The following MACF1 variants were observed in gnomAD, a reference collection of about 807,000 sequenced individuals.
The protein encoded by MACF1 is microtubule actin crosslinking factor 1.
A neutral mutation model predicts 854.8 loss-of-function variants in MACF1; 193 were observed. The observed-to-expected ratio is 0.23, with a 90% CI of 0.20 to 0.25. MACF1 has a LOEUF of 0.25. Ranked by LOEUF, MACF1 falls within the 10% of genes least tolerant of loss-of-function variation. MACF1 has a pLI of 1.00. For missense variants in MACF1, 7,722 were observed against 8,929.1 expected (o/e 0.86, Z 5.45); for synonymous variants, 3,185 against 3,226.7 (o/e 0.99, Z 0.44).
chr1:39,257,226 T>C (rs1404300661), intron 5 of MACF1, among the ~76,000 whole-genome samples: 1 of 152,150 alleles, frequency 6.6e-6, no homozygotes, highest in Non-Finnish European at 1.5e-5. Context: ...TACTCAGCGA[T>C]CAAAAGGAGC....
At chr1:39,240,214 C>A (rs1235482813) in intron 2 of MACF1, among the ~76,000 whole-genome samples, 1 of 152,202 alleles carries the variant, frequency 6.6e-6, no homozygotes, top group African/African-American at 2.4e-5. Flanking sequence ...GTATTCATGT[C>A]TATGGGAAAT....
intron 2 of MACF1, among the ~76,000 whole-genome samples, chr1:39,232,761 T>G (rs75144690): frequency 0.62 from 86,920 of 139,698 alleles, 27,185 homozygotes; most frequent in South Asian, 0.75. Context: ...TTTTTTTTTT[T>G]TTTTTTTGTT....
chr1:39,403,988 G>T (rs1404705782), intron 58 of MACF1, among the ~76,000 whole-genome samples: 1 of 151,944 alleles, frequency 6.6e-6, no homozygotes, highest in East Asian at 1.9e-4. Context: ...AATTAGCCAG[G>T]TGTGGTGGTG....
intron 70 of MACF1, chr1:39,436,466 G>A (rs375707477): frequency 3.3e-5 from 54 of 1,613,668 alleles, no homozygotes; most frequent in South Asian, 3.2e-4. Flanking sequence ...TGTGTTGACC[G>A]CGCCCACCAT....
chr1:39,117,533 GGTGTGTGTGTGTGTGT>G (rs67609869), intron 2 of MACF1, among the ~76,000 whole-genome samples: 2 of 147,700 alleles, frequency 1.4e-5, no homozygotes, highest in African/African-American at 5.0e-5. Context: ...ACCTGCAAGA[GGTGTGTGTGTGTGTGT>G]GTGTGTGTGT....
upstream of MACF1, among the ~76,000 whole-genome samples, chr1:39,200,991 C>A (rs1188313425): frequency 2.6e-5 from 4 of 152,076 alleles, no homozygotes; most frequent in Admixed American, 1.3e-4. Context: ...ACATTTCTAC[C>A]CTGCCCCCCC....
intron 52 of MACF1, among the ~76,000 whole-genome samples, chr1:39,375,774 T>C (rs1340004143): frequency 6.6e-6 from 1 of 152,232 alleles, no homozygotes; most frequent in Non-Finnish European, 1.5e-5. Flanking sequence ...TAAGAAATTA[T>C]TGTTTCAAAG....
intron 22 of MACF1, among the ~76,000 whole-genome samples, chr1:39,302,367 G>A (rs1027197383): frequency 6.6e-6 from 1 of 151,920 alleles, no homozygotes; most frequent in African/African-American, 2.4e-5. Flanking sequence ...TTATACAAAA[G>A]AATGAATGAA....
rs933211254 is a variant in MACF1, at chr1:39,335,419, T to C, written c.8831T>C (p.Leu2944Ser). Residue 2944 changes from leucine to serine, a missense_variant, in exon 37 of 101, where the codon TTG (leucine) becomes TCG (serine). Physicochemically the swap from Leu to Ser is moderately radical, Grantham distance 145. Coordinates refer to ENST00000564288, the MANE Select transcript of MACF1 (RefSeq NM_001394062.1). ...EIRENQGEVI[L>S]EVQETYCETS... ...AGAGAAAATCAAGGGGAAGTGATTT[T>C]GGAAGTACAAGAAACATATTGTGAA... 6.2e-7 allele frequency: 1 copy of C among 1,614,080 alleles called. No individual in the cohort carries two copies. The highest frequency in any genetic ancestry group is 1.3e-5 in the African/African-American group (1 of 74,942).
Position 39,318,469 on chromosome 1 carries a change from A to C in MACF1, c.3799A>C (p.Ser1267Arg). 1.9e-6 allele frequency: 3 copies of C among 1,613,960 alleles called. No homozygotes were observed. The highest frequency in any genetic ancestry group is 2.5e-6 in the Non-Finnish European group (3 of 1,179,900). The change falls in exon 30 of 101, where the codon AGT (serine) becomes CGT (arginine). Residue 1267 changes from serine (S) to arginine (R), a missense_variant. Physicochemically the swap from Ser to Arg is moderately radical, Grantham distance 110 (BLOSUM62 -1). Transcript: ENST00000564288. The stretch of plus-strand genomic sequence containing the variant: ...TTCTTCTAGCCAATCTGAGCTAGAA[A>C]GTATCCAGGAAGTTCTGGGAGATTA... ...QLEIRQSELE[S>R]IQEVLGDYRA...
At chr1:39,454,293 T>G (rs546447322) in intron 88 of MACF1, among the ~76,000 whole-genome samples, 8 of 152,308 alleles carry the variant, frequency 5.3e-5, no homozygotes, top group African/African-American at 1.9e-4. Flanking sequence ...GAGGGCAGAC[T>G]TTTGCAGGTT....
intron 2 of MACF1, among the ~76,000 whole-genome samples, chr1:39,190,074 A>G (rs997061507): frequency 6.6e-6 from 1 of 152,156 alleles, no homozygotes; most frequent in Non-Finnish European, 1.5e-5. Flanking sequence ...TGGACCTATA[A>G]TCGTCTCTAG....
At chr1:39,125,908 G>A (rs746644675) in intron 2 of MACF1, among the ~76,000 whole-genome samples, 10 of 152,128 alleles carry the variant, frequency 6.6e-5, no homozygotes, top group Non-Finnish European at 1.3e-4. Context: ...CAGGAGAATC[G>A]CTTTAACCCG....
chr1:39,179,118 T>A (rs1333822737), intron 2 of MACF1, among the ~76,000 whole-genome samples: 8 of 152,268 alleles, frequency 5.3e-5, no homozygotes, highest in Non-Finnish European at 1.2e-4. Context: ...AGTCATCTTA[T>A]CTTAGCCAGG....
At position 39,334,347 on chromosome 1, in the gene MACF1, C is replaced by G; in HGVS notation, c.7759C>G (p.Leu2587Val). Reference sequence around the variant, plus strand: ...GGCCTTTACTGGAAACTTTGTGGATCTCATTTCTGGTCAGAGATTGACCTT... The same window carrying G: ...GGCCTTTACTGGAAACTTTGTGGATGTCATTTCTGGTCAGAGATTGACCTT... ...VQAFTGNFVD[L>V]ISGQRLTLAE... is the part of the protein sequence containing the mutation. Residue 2587 changes from leucine (L) to valine (V), a missense_variant, in exon 37 of 101, where the codon CTC (leucine) becomes GTC (valine). Leu to Val is a conservative substitution (Grantham distance 32, BLOSUM62 1). This residue lies in a region of MACF1 where 1,531 missense variants were observed against 1,601.6 expected (regional missense o/e 0.96). Coordinates refer to ENST00000564288, the MANE Select transcript of MACF1 (RefSeq NM_001394062.1). 1 of 1,614,084 alleles carries G rather than the reference C, an allele frequency of 6.2e-7. No individual in the cohort carries two copies. The highest frequency in any genetic ancestry group is 8.5e-7 in the Non-Finnish European group (1 of 1,179,996).
Position 39,434,599 on chromosome 1 carries a change from T to G in MACF1, c.17751T>G (p.His5917Gln). 1 of 1,614,190 alleles carries G rather than the reference T, an allele frequency of 6.2e-7. No individual in the cohort carries two copies. The highest frequency in any genetic ancestry group is 8.5e-7 in the Non-Finnish European group (1 of 1,180,012). Residue 5917 changes from histidine to glutamine, a missense_variant, in exon 69 of 101, where the codon CAT becomes CAG. Around this residue, in one of 15 missense-constraint regions of MACF1, gnomAD observed 2,807 missense variants for 3,235.8 expected, o/e 0.87. Coordinates refer to ENST00000564288, the MANE Select transcript of MACF1 (RefSeq NM_001394062.1). ...AGTTACCCTCTCCAGCCATTGATCA[T>G]GAGCAGCTCAGGCAGCAACAAGAGG... is the stretch of plus-strand genomic sequence containing the variant. ...IAQLPSPAIDHEQLRQQQEEM... is the reference protein window; with the variant it reads ...IAQLPSPAIDQEQLRQQQEEM...
intron 51 of MACF1, among the ~76,000 whole-genome samples, chr1:39,371,216 G>A (rs945363047): frequency 3.3e-5 from 5 of 151,660 alleles, no homozygotes; most frequent in Non-Finnish European, 7.4e-5. Flanking sequence ...CTACTCAAGA[G>A]GGTGAGGCAG....
intron 2 of MACF1, among the ~76,000 whole-genome samples, chr1:39,175,887 G>T (rs1644016980): frequency 6.8e-6 from 1 of 146,904 alleles, no homozygotes. Flanking sequence ...CACAAGGTCA[G>T]GAGATCAAGA....
chr1:39,461,190 C>T (rs1321072757), intron 92 of MACF1, among the ~76,000 whole-genome samples: 2 of 151,856 alleles, frequency 1.3e-5, no homozygotes, highest in African/African-American at 4.8e-5. Flanking sequence ...TAAATAGTCA[C>T]ACTTCCCTTT....
Sources: allele counts gnomAD v4.1 joint callset (sites outside exome capture counted in the v4.1 genomes callset), GRCh38; gene constraint gnomAD v4.1.1; regional missense constraint gnomAD v4.1.1; transcripts MANE v1.5; gene names NCBI Gene and HGNC (gene_info 2026-07-23, HGNC 2026-07-21).